VIRMA: variants seen among roughly 807,000 people sequenced by gnomAD.
The protein encoded by VIRMA is vir like m6A methyltransferase associated, also known as protein virilizer homolog.
In VIRMA, 65 loss-of-function variants were observed where a neutral mutation model predicts 182.4. The observed-to-expected ratio is 0.36, with a 90% CI of 0.29 to 0.44. The LOEUF (loss-of-function observed/expected upper bound fraction) is 0.44, where lower values mean the gene tolerates loss of function less well. Among genes scored for constraint, VIRMA ranks in the 20% least tolerant of loss-of-function variants. The pLI, the probability that VIRMA is intolerant of heterozygous loss-of-function variation, is 1.00. For missense variants in VIRMA, 1,752 were observed against 2,158.1 expected, an observed-to-expected ratio of 0.81 and a Z score of 3.73; for synonymous variants, 709 against 743.1, an observed-to-expected ratio of 0.95 and a Z score of 0.75.
chr8:94,529,028 T>C, intron 7 of VIRMA, 42 bp downstream of exon 7: 1 of 1,602,660 alleles, frequency 6.2e-7, no homozygotes, highest in Non-Finnish European at 8.5e-7. Context: ...TCGAGTTAGT[T>C]TCTAGTACTT....
At chr8:94,519,802 T>C (rs1370400799) in intron 8 of VIRMA, among the ~76,000 whole-genome samples, 15 of 152,214 alleles carry the variant, frequency 9.9e-5, no homozygotes, top group Admixed American at 8.5e-4. Flanking sequence ...ACTTTATTCA[T>C]GGCATATTGG....
rs149847546 is a variant in VIRMA at position 94,500,123 on chromosome 8, G to A, written c.4098-617C>T. ...TCCCTATTTATAAACCTTTTGGCCA[G>A]GCGCGGTGGCTCACACCTGTAACCC... is the stretch of plus-strand genomic sequence containing the variant. On this transcript the variant is annotated intron_variant, in intron 16 of 23. Coordinates refer to ENST00000297591, the MANE Select transcript of VIRMA (RefSeq NM_015496.5). Among the ~76,000 whole-genome samples the A allele has an allele frequency of 1.2e-3, 186 of 151,036 alleles. 2 individuals carry two copies. Among genetic ancestry groups the A allele is most frequent in the African/African-American group, 4.4e-3 (179 of 40,988 alleles).
chr8:94,526,640 A>G lies in VIRMA; in HGVS notation c.1604T>C (p.Leu535Pro), dbSNP rs762417400. 3.4e-5 allele frequency: 55 copies of G among 1,614,080 alleles called. No individual in the cohort carries two copies. The highest frequency in any genetic ancestry group is 4.3e-5 in the Non-Finnish European group (51 of 1,180,044). The change falls in exon 8 of 24, where the codon CTG becomes CCG. Residue 535 changes from leucine to proline, a missense_variant. Leu to Pro is a moderately conservative substitution (Grantham distance 98, BLOSUM62 -3). This residue lies in a region of VIRMA where 401 missense variants were observed against 455.1 expected (regional missense o/e 0.88). Coordinates refer to ENST00000297591, the MANE Select transcript of VIRMA (RefSeq NM_015496.5). ...QNEKSGYQKL[L>P]ELILLDQTVR... ...AGTCTGATCTAAAAGTATGAGTTCC[A>G]GAAGCTTTTGATAACCACTTTTTTC...
chr8:94,502,777 T>G (rs528904943), intron 16 of VIRMA, among the ~76,000 whole-genome samples: 8 of 151,982 alleles, frequency 5.3e-5, no homozygotes, highest in Admixed American at 6.6e-5. Context: ...CTTAAAAAAT[T>G]TTTTTTTAAG....
Position 94,526,413 on chromosome 8 carries a change from T to C in VIRMA, c.1831A>G (p.Met611Val), listed in dbSNP as rs111252450. The change falls in exon 8 of 24, where the codon ATG becomes GTG. Residue 611 changes from methionine (M) to valine (V), a missense_variant. Around this residue, in one of 11 missense-constraint regions of VIRMA, gnomAD observed 401 missense variants for 455.1 expected, o/e 0.88. Transcript: ENST00000297591. ...ATATTTGAGGATTCCAAAAGATCCA[T>C]ATCCATAGAAGCTTCCACCTCATTT... Reference protein sequence around the residue: ...YENEVEASMDMDLLESSNISE... With the variant: ...YENEVEASMDVDLLESSNISE... 3.9e-4 allele frequency: 631 copies of C among 1,614,002 alleles called. 3 individuals carry two copies. In the African/African-American group the frequency reaches 7.4e-3, roughly 19 times the overall value.
At position 94,531,008 on chromosome 8, in the gene VIRMA, G is replaced by C; in HGVS notation, c.562C>G (p.Pro188Ala). 1 of 1,603,596 alleles carries C rather than the reference G, an allele frequency of 6.2e-7. No homozygotes were observed. Among genetic ancestry groups the C allele is most frequent in the Admixed American group, 1.7e-5 (1 of 58,658 alleles). Residue 188 changes from proline (P) to alanine (A), a missense_variant, in exon 6 of 24, where the codon CCC (proline) becomes GCC (alanine). Pro to Ala is a conservative substitution (Grantham distance 27). Transcript: ENST00000297591. Reference protein sequence around the residue: ...QPRGPRTPPGPPPPDDDEDDP... With the variant: ...QPRGPRTPPGAPPPDDDEDDP... ...TCTTCATCATCATCAGGTGGAGGGGGTCCTGGAGGAGTTCTTGGTCCCCTT... is the reference window on the plus strand; with the variant it reads ...TCTTCATCATCATCAGGTGGAGGGGCTCCTGGAGGAGTTCTTGGTCCCCTT...
chr8:94,504,570 GGTTTTAA>G (rs1814092374), intron 16 of VIRMA, among the ~76,000 whole-genome samples: 1 of 152,036 alleles, frequency 6.6e-6, no homozygotes, highest in East Asian at 1.9e-4. Context: ...GCAGAAATCC[GGTTTTAA>G]GTTTTAAAAG....
rs765175527 is a variant in VIRMA, at chr8:94,526,976, G to C, written c.1268C>G (p.Thr423Arg). ...CAACTGGCCAAGGGAGTCTTGTTTTGTGTTTTTCAATTGCAAATAGCTTAA... is the reference window on the plus strand; with the variant it reads ...CAACTGGCCAAGGGAGTCTTGTTTTCTGTTTTTCAATTGCAAATAGCTTAA... The part of the protein sequence containing the change: ...KGLSYLQLKN[T>R]KQDSLGQLVD... Residue 423 changes from threonine to arginine, a missense_variant, in exon 8 of 24, where the codon ACA (threonine) becomes AGA (arginine). Thr to Arg is a moderately conservative substitution (Grantham distance 71). Coordinates refer to ENST00000297591, the MANE Select transcript of VIRMA (RefSeq NM_015496.5). 1 of 1,614,204 alleles carries C rather than the reference G, an allele frequency of 6.2e-7. No individual in the cohort carries two copies. The highest frequency in any genetic ancestry group is 8.5e-7 in the Non-Finnish European group (1 of 1,180,024).
intron 2 of VIRMA, among the ~76,000 whole-genome samples, chr8:94,542,967 G>A (rs1353637081): frequency 1.3e-5 from 2 of 151,978 alleles, no homozygotes; most frequent in African/African-American, 4.8e-5. Context: ...AGAGTGCAAT[G>A]ACGCAATCTC....
intron 7 of VIRMA, 145 bp downstream of exon 7, chr8:94,528,925 G>T: frequency 1.0e-6 from 1 of 962,504 alleles, no homozygotes; most frequent in Non-Finnish European, 1.6e-6. Context: ...CTCATTTCTA[G>T]TCATGCCTTG....
intron 2 of VIRMA, among the ~76,000 whole-genome samples, chr8:94,539,013 T>C (rs1815445938): frequency 6.6e-6 from 1 of 151,764 alleles, no homozygotes; most frequent in Non-Finnish European, 1.5e-5. Flanking sequence ...ACAATCCTCC[T>C]GCTACAGCCT....
chr8:94,541,311 G>T (rs941320940), intron 2 of VIRMA, among the ~76,000 whole-genome samples: 8 of 151,722 alleles, frequency 5.3e-5, no homozygotes, highest in African/African-American at 1.9e-4. Flanking sequence ...TTGTAGAGAT[G>T]AGGTCTCCAA....
At position 94,529,985 on chromosome 8, in the gene VIRMA, C is replaced by A. The variant is rs540322823; in HGVS notation, c.608-643G>T. ...TTTATTTTTAATAGAGACAGGGTCT[C>A]CCTATGTTGCCCAGGCTGGTCTCAC... On this transcript the variant is annotated intron_variant, in intron 6 of 23. Coordinates refer to ENST00000297591, the MANE Select transcript of VIRMA (RefSeq NM_015496.5). Among the ~76,000 whole-genome samples the A allele has an allele frequency of 2.2e-4, 33 of 152,120 alleles. No homozygotes were observed. The East Asian group carries it at 6.2e-3, about 28-fold the overall frequency.
rs565295530 is a variant in VIRMA at position 94,531,766 on chromosome 8, T to C, written c.485-681A>G. Among the ~76,000 whole-genome samples, 3 of 152,346 alleles carry C rather than the reference T, an allele frequency of 2.0e-5. No individual in the cohort carries two copies. In the South Asian group the frequency reaches 6.2e-4, roughly 32 times the overall value. On this transcript the variant is annotated intron_variant, in intron 5 of 23. Coordinates refer to ENST00000297591, the MANE Select transcript of VIRMA (RefSeq NM_015496.5). ...AGGGAATGTTCAGCTTTATTTGTGA[T>C]AGCCAAAAAACAGAGACTACCCAAA...
intron 6 of VIRMA, 117 bp from the exon 7 acceptor site, chr8:94,529,459 A>T (rs1815084708): frequency 3.4e-6 from 2 of 585,640 alleles, no homozygotes; most frequent in South Asian, 2.1e-5. Flanking sequence ...AAATACCCTT[A>T]AAAAAAAAGA....
intron 1 of VIRMA, 83 bp downstream of exon 1, chr8:94,553,302 G>A (rs762329770): frequency 2.6e-5 from 35 of 1,347,822 alleles, no homozygotes; most frequent in Admixed American, 1.0e-4. Flanking sequence ...ATCTGCAGAA[G>A]GAAAAGTGGA....
intron 1 of VIRMA, among the ~76,000 whole-genome samples, chr8:94,550,379 G>C (rs1456386592): frequency 6.7e-6 from 1 of 150,258 alleles, no homozygotes; most frequent in African/African-American, 2.4e-5. Context: ...TGCAAGCTCT[G>C]CCTCCCGGGT....
Position 94,494,986 on chromosome 8 carries a change from C to T in VIRMA, c.4545-30G>A, listed in dbSNP as rs1813722175. 2.1e-6 allele frequency: 3 copies of T among 1,432,542 alleles called. No individual in the cohort carries two copies. The African/African-American group carries it at 4.3e-5, about 20-fold the overall frequency. The allele number at this position is 1,432,542 out of a possible 1,614,324, so 88.7% of individuals were successfully genotyped here. ...AACAAGAAAAGTATCTGGTGAAAAG[C>T]AGAATTCTAAAATCAAATTTCAATT... On this transcript the variant is annotated intron_variant, in intron 19 of 23. Transcript: ENST00000297591.
chr8:94,541,791 C>T (rs1815563448), intron 2 of VIRMA, among the ~76,000 whole-genome samples: 1 of 152,198 alleles, frequency 6.6e-6, no homozygotes, highest in Non-Finnish European at 1.5e-5. Flanking sequence ...ATCTACCTGC[C>T]TCAGCTTCCC....
Sources: allele counts gnomAD v4.1 joint callset (sites outside exome capture counted in the v4.1 genomes callset), GRCh38; gene constraint gnomAD v4.1.1; regional missense constraint gnomAD v4.1.1; transcripts MANE v1.5; gene names NCBI Gene and HGNC (gene_info 2026-07-23, HGNC 2026-07-21).